The following SDCCAG8 variants were observed in gnomAD, a reference collection of about 807,000 sequenced individuals.
SDCCAG8 encodes the protein SHH signaling and ciliogenesis regulator SDCCAG8.
In SDCCAG8, 74 loss-of-function variants were observed where a neutral mutation model predicts 101.8. The ratio of observed to expected loss-of-function variants is 0.73; its 90% CI spans 0.60 to 0.88. The LOEUF is 0.88. Among genes scored for constraint, SDCCAG8 ranks in the 40% least tolerant of loss-of-function variants. The pLI is 0.00. For missense variants in SDCCAG8, 787 were observed against 822.6 expected (o/e 0.96, Z 0.53); for synonymous variants, 281 against 292.9 (o/e 0.96, Z 0.41).
At chr1:243,403,922 C>T (rs2079576287) in intron 13 of SDCCAG8, among the ~76,000 whole-genome samples, 1 of 152,228 alleles carries the variant, frequency 6.6e-6, no homozygotes. Flanking sequence ...ACCCCCTACC[C>T]TGGTCCGTGG....
At chr1:243,481,403 T>C (rs1029082533) in intron 16 of SDCCAG8, among the ~76,000 whole-genome samples, 1 of 152,202 alleles carries the variant, frequency 6.6e-6, no homozygotes, top group African/African-American at 2.4e-5. Context: ...CTCTGCACCT[T>C]GCTTCTCTCA....
intron 6 of SDCCAG8, among the ~76,000 whole-genome samples, chr1:243,298,717 G>A (rs2071210549): frequency 6.6e-6 from 1 of 152,128 alleles, no homozygotes; most frequent in Non-Finnish European, 1.5e-5. Flanking sequence ...ATACATCCAA[G>A]CACCATTTCT....
intron 16 of SDCCAG8, among the ~76,000 whole-genome samples, chr1:243,483,545 C>T (rs1664201240): frequency 5.9e-5 from 9 of 152,176 alleles, no homozygotes; most frequent in Admixed American, 5.9e-4. Flanking sequence ...CCAGCGGCTT[C>T]GGTGGCTCCC....
At chr1:243,412,094 C>G (rs1388265540) in intron 13 of SDCCAG8, among the ~76,000 whole-genome samples, 1 of 152,124 alleles carries the variant, frequency 6.6e-6, no homozygotes, top group African/African-American at 2.4e-5. Flanking sequence ...TTTTGAACTC[C>G]CTGCTAGGGG....
chr1:243,389,311 A>G lies in SDCCAG8; in HGVS notation c.1616+10448A>G, dbSNP rs141138844. Among the ~76,000 whole-genome samples, 727 of 152,344 alleles carry G rather than the reference A, an allele frequency of 4.8e-3. 19 individuals carry two copies. Among genetic ancestry groups the G allele is most frequent in the Admixed American group, 0.042 (636 of 15,304 alleles). On this transcript the variant is annotated intron_variant, in intron 13 of 17. Coordinates refer to ENST00000366541, the MANE Select transcript of SDCCAG8 (RefSeq NM_006642.5). ...CAACATGTGATAAGTCCAAAGAGGC[A>G]TCATCAGTTCTTCACAACAACAGGG...
intron 9 of SDCCAG8, among the ~76,000 whole-genome samples, chr1:243,324,166 C>T (rs1482126933): frequency 1.3e-5 from 2 of 152,074 alleles, no homozygotes; most frequent in Middle Eastern, 3.2e-3. Context: ...ACACTGCTGG[C>T]GTCTGAAACT....
intron 16 of SDCCAG8, among the ~76,000 whole-genome samples, chr1:243,444,402 C>G (rs1050510253): frequency 6.6e-6 from 1 of 150,850 alleles, no homozygotes; most frequent in African/African-American, 2.4e-5. Flanking sequence ...GATGGAGTCT[C>G]GCTCTGTTGC....
At chr1:243,441,328 C>T (rs776681040) in intron 16 of SDCCAG8, among the ~76,000 whole-genome samples, 6 of 152,182 alleles carry the variant, frequency 3.9e-5, no homozygotes, top group Non-Finnish European at 8.8e-5. Flanking sequence ...ACGTGCTGTT[C>T]ATGCTGAATT....
chr1:243,283,239 A>G (rs1572952956), intron 4 of SDCCAG8, among the ~76,000 whole-genome samples: 2 of 151,902 alleles, frequency 1.3e-5, no homozygotes, highest in East Asian at 3.9e-4. Flanking sequence ...TCAATATGAT[A>G]TTCCTCAGTG....
intron 13 of SDCCAG8, among the ~76,000 whole-genome samples, chr1:243,406,490 T>C (rs975532729): frequency 1.3e-5 from 2 of 152,214 alleles, no homozygotes; most frequent in Admixed American, 6.5e-5. Context: ...AAATTGCTCT[T>C]ACTATTGCTG....
At chr1:243,393,629 T>C (rs1021889967) in intron 13 of SDCCAG8, among the ~76,000 whole-genome samples, 2 of 152,178 alleles carry the variant, frequency 1.3e-5, no homozygotes, top group Non-Finnish European at 1.5e-5. Context: ...CCAGCTACCA[T>C]GGAACCTTGA....
At chr1:243,301,238 T>C (rs1364440397) in intron 6 of SDCCAG8, among the ~76,000 whole-genome samples, 1 of 152,180 alleles carries the variant, frequency 6.6e-6, no homozygotes, top group Non-Finnish European at 1.5e-5. Flanking sequence ...ATTGCTATTG[T>C]GGTGAGTTCA....
intron 16 of SDCCAG8, 144 bp downstream of exon 16, chr1:243,426,702 G>T (rs1327158698): frequency 2.7e-5 from 27 of 1,003,686 alleles, no homozygotes; most frequent in Non-Finnish European, 4.0e-5. Context: ...TTTATTTTAT[G>T]TATTTATGCT....
At chr1:243,284,526 G>A (rs1418051257) in intron 4 of SDCCAG8, among the ~76,000 whole-genome samples, 2 of 152,200 alleles carry the variant, frequency 1.3e-5, no homozygotes, top group Non-Finnish European at 2.9e-5. Flanking sequence ...GGGCTGTGAC[G>A]TTCACAAGTG....
At chr1:243,341,369 G>T (rs1420149869) in intron 11 of SDCCAG8, among the ~76,000 whole-genome samples, 196 bp downstream of exon 11, 1 of 152,212 alleles carries the variant, frequency 6.6e-6, no homozygotes. Context: ...CCCTCAGTGG[G>T]TATTGCATGT....
intron 16 of SDCCAG8, among the ~76,000 whole-genome samples, chr1:243,434,353 T>C (rs1378951167): frequency 6.6e-6 from 1 of 152,254 alleles, no homozygotes; most frequent in Non-Finnish European, 1.5e-5. Context: ...TGTTTGTTTT[T>C]AAGTAACTGA....
At position 243,321,039 on chromosome 1, in the gene SDCCAG8, C is replaced by T. The variant is rs149276576; in HGVS notation, c.1068+4146C>T. ...ACATTTTGGGCTATGTAACTCTTTGCTTTGGATGCTGTTCTGCACATTGTA... is the reference window on the plus strand; with the variant it reads ...ACATTTTGGGCTATGTAACTCTTTGTTTTGGATGCTGTTCTGCACATTGTA... On this transcript the variant is annotated intron_variant, in intron 9 of 17. Coordinates refer to ENST00000366541, the MANE Select transcript of SDCCAG8 (RefSeq NM_006642.5). Among the ~76,000 whole-genome samples, 614 of 152,222 alleles carry T rather than the reference C, an allele frequency of 4.0e-3. 4 individuals carry two copies. The highest frequency in any genetic ancestry group is 0.014 in the African/African-American group (564 of 41,534).
intron 13 of SDCCAG8, among the ~76,000 whole-genome samples, chr1:243,403,287 A>G (rs2079529114): frequency 6.6e-6 from 1 of 151,652 alleles, no homozygotes; most frequent in South Asian, 2.1e-4. Context: ...GGCCAATGCT[A>G]CCTCCCCCTG....
intron 7 of SDCCAG8, 132 bp downstream of exon 7, chr1:243,304,909 A>T (rs981929021): frequency 6.1e-6 from 4 of 653,476 alleles, no homozygotes; most frequent in Admixed American, 2.8e-5. Context: ...ACTTTAAAAA[A>T]TTTCCTCAGA....
Sources: gnomAD v4.1 joint callset for allele counts (sites outside exome capture counted in the v4.1 genomes callset) on GRCh38, gnomAD v4.1.1 for gene constraint, MANE v1.5 for transcripts, NCBI Gene and HGNC (gene_info 2026-07-23, HGNC 2026-07-21) for gene names.